Variants in WDR62 observed in about 807,000 individuals in gnomAD.
WDR62 encodes WD repeat-containing protein 62.
WDR62 carries 112 observed loss-of-function variants against 160.6 expected under a neutral mutation model. The ratio of observed to expected loss-of-function variants is 0.70; its 90% CI spans 0.60 to 0.82. The LOEUF (loss-of-function observed/expected upper bound fraction) is 0.82. Among genes scored for constraint, WDR62 ranks in the 40% least tolerant of loss-of-function variants. WDR62 has a pLI of 0.00. For missense variants in WDR62, 1,819 were observed against 1,983.8 expected (o/e 0.92, Z 1.58); for synonymous variants, 792 against 815.1 (o/e 0.97, Z 0.48).
chr19:36,069,189 C>G (rs113448979), intron 7 of WDR62, among the ~76,000 whole-genome samples: 6 of 146,028 alleles, frequency 4.1e-5, no homozygotes, highest in Non-Finnish European at 5.9e-5. Context: ...CACCTCCCTC[C>G]GGGACGGGGC....
Position 36,103,033 on chromosome 19 carries a change from C to G in WDR62, c.3421C>G (p.Pro1141Ala). ...VKLMDRGGSQ[P>A]RAGTGYASPD... ...GCTCATGGACCGAGGCGGAAGCCAG[C>G]CCAGAGCAGGTACTGGCTACGCCTC... The change falls in exon 28 of 32, where the codon CCC becomes GCC. Residue 1141 changes from proline to alanine, a missense_variant. Physicochemically the swap from Pro to Ala is conservative, Grantham distance 27. This residue lies in a region of WDR62 where 770 missense variants were observed against 734.2 expected (regional missense o/e 1.05). Transcript: ENST00000401500. 3 of 1,614,156 alleles carry G rather than the reference C, an allele frequency of 1.9e-6. No homozygotes were observed. Among genetic ancestry groups the G allele is most frequent in the Non-Finnish European group, 2.5e-6 (3 of 1,180,032 alleles).
intron 5 of WDR62, 24 bp downstream of exon 5, chr19:36,066,451 T>G: frequency 6.4e-7 from 1 of 1,572,390 alleles, no homozygotes. Flanking sequence ...AGCAGGCCTG[T>G]GGCAGGCAGC....
chr19:36,109,631 G>A (rs1027935608), downstream of WDR62, among the ~76,000 whole-genome samples: 8 of 152,082 alleles, frequency 5.3e-5, no homozygotes, highest in Admixed American at 5.2e-4. Context: ...CTACTTGGGG[G>A]ACTGAGGCAG....
At chr19:36,055,206 C>G (rs1241062293) in intron 1 of WDR62, 58 bp downstream of exon 1, 5 of 1,546,210 alleles carry the variant, frequency 3.2e-6, no homozygotes, top group Non-Finnish European at 4.4e-6. Context: ...TTCCCCTAGT[C>G]CCGTCCTGAG....
In WDR62 at chr19:36,094,067, C is replaced by G. The variant is rs533086899; in HGVS notation, c.2370C>G (p.His790Gln). Residue 790 changes from histidine (H) to glutamine (Q), a missense_variant, in exon 20 of 32, where the codon CAC (histidine) becomes CAG (glutamine). Around this residue, in one of 3 missense-constraint regions of WDR62, gnomAD observed 934 missense variants for 1,157.2 expected, o/e 0.81. Coordinates refer to ENST00000401500, the MANE Select transcript of WDR62 (RefSeq NM_001083961.2). ...ATGTGTCCACACCTAGTGAGATTCA[C>G]TCCCTGAGCCCTGGAGAGCAAACAG... ...DTYVSTPSEI[H>Q]SLSPGEQTED... 6.2e-6 allele frequency: 10 copies of G among 1,614,014 alleles called. No individual in the cohort carries two copies. Among genetic ancestry groups the G allele is most frequent in the Non-Finnish European group, 8.5e-6 (10 of 1,180,010 alleles).
At chr19:36,111,003 G>T in the WDR62 span, 1 of 581,522 alleles carries the variant, frequency 1.7e-6, no homozygotes, top group East Asian at 2.8e-5. Flanking sequence ...TCCAAAACCT[G>T]GGAGAAGATG....
At chr19:36,097,382 G>A (rs765222176) in intron 21 of WDR62, among the ~76,000 whole-genome samples, 22 of 152,228 alleles carry the variant, frequency 1.4e-4, no homozygotes, top group Non-Finnish European at 3.1e-4. Context: ...AGTAGGTTGG[G>A]TGCTGATAAG....
chr19:36,088,656 A>C (rs1021105766), intron 13 of WDR62, among the ~76,000 whole-genome samples: 13 of 152,188 alleles, frequency 8.5e-5, no homozygotes, highest in Admixed American at 7.2e-4. Context: ...GCTCATGTGG[A>C]TCTTGCAGTT....
intron 9 of WDR62, among the ~76,000 whole-genome samples, chr19:36,077,470 C>T (rs1245157341): frequency 3.3e-5 from 5 of 151,832 alleles, no homozygotes; most frequent in Non-Finnish European, 5.9e-5. Flanking sequence ...TTAGTAGAGA[C>T]GAGGTTTCAC....
chr19:36,076,286 A>G (rs755379012), intron 9 of WDR62, among the ~76,000 whole-genome samples: 9 of 151,538 alleles, frequency 5.9e-5, no homozygotes, highest in Admixed American at 3.3e-4. Context: ...GGCTGGGTGC[A>G]GTGGCTCATG....
intron 29 of WDR62, 36 bp from the exon 30 acceptor site, chr19:36,103,307 G>T (rs781749084): frequency 8.7e-6 from 14 of 1,612,876 alleles, no homozygotes; most frequent in Non-Finnish European, 1.2e-5. Context: ...CATCAGTTCT[G>T]TGTGGTGGAG....
chr19:36,068,978 G>A (rs1234125933), intron 7 of WDR62, among the ~76,000 whole-genome samples: 7 of 151,532 alleles, frequency 4.6e-5, no homozygotes, highest in East Asian at 2.0e-4. Flanking sequence ...GCGGCAGGGC[G>A]GAGGCGGACC....
chr19:36,084,632 CG>C lies in WDR62; in HGVS notation c.1551-18del. On this transcript the variant is annotated intron_variant, in intron 11 of 31. Coordinates refer to ENST00000401500, the MANE Select transcript of WDR62 (RefSeq NM_001083961.2). Reference sequence around the variant, plus strand: ...ATGGGGCTGGGGTGTGGGGCTTCAGCGGGCGGTGTGTGTCTCCCAGGATCCA... The same window carrying C: ...ATGGGGCTGGGGTGTGGGGCTTCAGCGGCGGTGTGTGTCTCCCAGGATCCA... 1.2e-6 allele frequency: 2 copies of C among 1,612,046 alleles called. No individual in the cohort carries two copies. Among genetic ancestry groups the C allele is most frequent in the Non-Finnish European group, 1.7e-6 (2 of 1,178,858 alleles).
intron 9 of WDR62, chr19:36,073,739 C>G (rs2145642975): frequency 1.5e-6 from 1 of 653,046 alleles, no homozygotes; most frequent in Non-Finnish European, 2.8e-6. Context: ...GAAACATCAT[C>G]AGTGAATAAC....
chr19:36,097,335 C>T (rs1258702922), intron 21 of WDR62, among the ~76,000 whole-genome samples: 3 of 152,168 alleles, frequency 2.0e-5, no homozygotes, highest in Non-Finnish European at 2.9e-5. Context: ...CCTGTGTGGG[C>T]GAGGAACAAT....
In WDR62 at chr19:36,084,672, A is replaced by C; in HGVS notation, c.1570A>C (p.Met524Leu). 1 of 1,613,826 alleles carries C rather than the reference A, an allele frequency of 6.2e-7. No homozygotes were observed. Among genetic ancestry groups the C allele is most frequent in the Non-Finnish European group, 8.5e-7 (1 of 1,179,992 alleles). Reference sequence around the variant, plus strand: ...TCCCAGGATCCACGAGCTGCACTTCATGGACGAGCTGGTCAAGGTGGAGGC... The same window carrying C: ...TCCCAGGATCCACGAGCTGCACTTCCTGGACGAGCTGGTCAAGGTGGAGGC... Reference protein sequence around the residue: ...GNLRIHELHFMDELVKVEAHD... With the variant: ...GNLRIHELHFLDELVKVEAHD... Residue 524 changes from methionine to leucine, a missense_variant, in exon 12 of 32, where the codon ATG (methionine) becomes CTG (leucine). Physicochemically the swap from Met to Leu is conservative, Grantham distance 15 (BLOSUM62 2). This residue lies in a region of WDR62 where 934 missense variants were observed against 1,157.2 expected (regional missense o/e 0.81). Transcript: ENST00000401500.
In WDR62 at chr19:36,103,207, C is replaced by T. The variant is rs1345522384; in HGVS notation, c.3514C>T (p.Pro1172Ser). 8 of 1,613,650 alleles carry T rather than the reference C, an allele frequency of 5.0e-6. No homozygotes were observed. The highest frequency in any genetic ancestry group is 1.6e-4 in the Middle Eastern group (1 of 6,062). ...GACCCTGGAGGCCTGGCGCCCACCA[C>T]GTGAGTGCCCCAGTCCCAGACGGAC... is the stretch of plus-strand genomic sequence containing the variant. ...EETLEAWRPP[P>S]PCLTSLASCV... is the part of the protein sequence containing the mutation. The change falls in exon 29 of 32, where the codon CCT becomes TCT. Residue 1172 changes from proline (P) to serine (S), a missense_variant and splice_region_variant. Pro to Ser is a moderately conservative substitution (Grantham distance 74). Around this residue, in one of 3 missense-constraint regions of WDR62, gnomAD observed 770 missense variants for 734.2 expected, o/e 1.05. Coordinates refer to ENST00000401500, the MANE Select transcript of WDR62 (RefSeq NM_001083961.2).
rs975203164 is a variant in WDR62 at position 36,068,709 on chromosome 19, G to T, written c.882+699G>T. Among the ~76,000 whole-genome samples, 8 of 152,340 alleles carry T rather than the reference G, an allele frequency of 5.3e-5. No homozygotes were observed. The East Asian group carries it at 1.4e-3, about 26-fold the overall frequency. On this transcript the variant is annotated intron_variant, in intron 7 of 31. Transcript: ENST00000401500. The stretch of plus-strand genomic sequence containing the variant: ...AGATCAACAGCATCCCAAGGCAGAA[G>T]AATTTTTCTTAGTACAGAACAAAAT...
intron 9 of WDR62, among the ~76,000 whole-genome samples, chr19:36,076,379 G>A (rs574749688): frequency 3.9e-4 from 59 of 152,064 alleles, no homozygotes; most frequent in African/African-American, 1.4e-3. Flanking sequence ...CCAACATGGT[G>A]AAACCTTGTC....
Sources: allele counts gnomAD v4.1 joint callset (sites outside exome capture counted in the v4.1 genomes callset), GRCh38; gene constraint gnomAD v4.1.1; regional missense constraint gnomAD v4.1.1; transcripts MANE v1.5; gene names NCBI Gene and HGNC (gene_info 2026-07-23, HGNC 2026-07-21).